The following ARFGEF1 variants were observed in gnomAD, a reference collection of about 807,000 sequenced individuals.
ARFGEF1 encodes the protein brefeldin A-inhibited guanine nucleotide-exchange protein 1.
Under a neutral mutation model 231.0 loss-of-function variants are expected in ARFGEF1, and 42 were observed. That is an observed-to-expected ratio of 0.18 (90% CI 0.14 to 0.24). The LOEUF is 0.24. Among genes scored for constraint, ARFGEF1 ranks in the 10% least tolerant of loss-of-function variants. The pLI is 1.00. For missense variants in ARFGEF1, 1,345 were observed against 2,192.0 expected, an observed-to-expected ratio of 0.61 and a Z score of 7.72; for synonymous variants, 710 against 732.3, an observed-to-expected ratio of 0.97 and a Z score of 0.49.
chr8:67,290,163 C>A (rs1805946369), intron 6 of ARFGEF1, among the ~76,000 whole-genome samples: 1 of 152,160 alleles, frequency 6.6e-6, no homozygotes, highest in South Asian at 2.1e-4. Flanking sequence ...ATCTTTAGAG[C>A]CAAAATAATC....
chr8:67,175,467 TATC>T, downstream of ARFGEF1: 1 of 1,612,674 alleles, frequency 6.2e-7, no homozygotes, highest in Non-Finnish European at 8.5e-7. Flanking sequence ...TGTCAAATAG[TATC>T]AGCACGCTGT....
At chr8:67,287,865 T>C (rs1478693083) in intron 7 of ARFGEF1, 90 bp downstream of exon 7, 2 of 875,758 alleles carry the variant, frequency 2.3e-6, no homozygotes, top group Non-Finnish European at 3.2e-6. Context: ...CGTTTTAATT[T>C]TGCCCTTTCT....
At position 67,200,335 on chromosome 8, in the gene ARFGEF1, C is replaced by T. The variant is rs1210987013; in HGVS notation, c.5385+61G>A. ...AGCTCTTGCACGGCGGCTCTGGGACCCCGCATCCCAATGCGAATTGGGCTA... is the reference window on the plus strand; with the variant it reads ...AGCTCTTGCACGGCGGCTCTGGGACTCCGCATCCCAATGCGAATTGGGCTA... On this transcript the variant is annotated intron_variant, in intron 38 of 38. Transcript: ENST00000262215. 3.3e-6 allele frequency: 4 copies of T among 1,217,896 alleles called. No homozygotes were observed. The African/African-American group carries it at 6.0e-5, about 18-fold the overall frequency. 75.4% of individuals were successfully genotyped at this position (1,217,896 alleles called of 1,614,324 possible).
At chr8:67,191,039 C>G (rs1441875526) in intron 5 of ARFGEF1, among the ~76,000 whole-genome samples, 1 of 152,174 alleles carries the variant, frequency 6.6e-6, no homozygotes, top group Non-Finnish European at 1.5e-5. Context: ...ATATGGATTT[C>G]AGAGAGGCAC....
intron 36 of ARFGEF1, 32 bp downstream of exon 36, chr8:67,203,051 T>A (rs1170708239): frequency 6.3e-7 from 1 of 1,593,498 alleles, no homozygotes; most frequent in Non-Finnish European, 8.5e-7. Flanking sequence ...CCATCAACAG[T>A]AAACATTAAA....
At chr8:67,264,932 T>A (rs945723177) in intron 14 of ARFGEF1, among the ~76,000 whole-genome samples, 1 of 152,228 alleles carries the variant, frequency 6.6e-6, no homozygotes, top group Non-Finnish European at 1.5e-5. Context: ...AATGCCTTCA[T>A]GGTGCTTGGC....
chr8:67,190,908 C>A, intron 5 of ARFGEF1: 1 of 611,132 alleles, frequency 1.6e-6, no homozygotes, highest in Non-Finnish European at 2.9e-6. Flanking sequence ...GACTGGATGA[C>A]CTTGGGTAGC....
In ARFGEF1 at chr8:67,226,183, G is replaced by T; in HGVS notation, c.3917C>A (p.Thr1306Asn). The change falls in exon 28 of 39, where the codon ACC becomes AAC. Residue 1306 changes from threonine to asparagine, a missense_variant and splice_region_variant. Coordinates refer to ENST00000262215, the MANE Select transcript of ARFGEF1 (RefSeq NM_006421.5). ...TGGAAAGTGTTTTTCAAATACAAGG[G>T]CTAAAATAGAGAAAAATATATATTA... ...LAFQTTGHIV[T>N]LVFEKHFPAT... 1 of 1,581,454 alleles carries T rather than the reference G, an allele frequency of 6.3e-7. No individual in the cohort carries two copies.
intron 6 of ARFGEF1, among the ~76,000 whole-genome samples, chr8:67,291,355 T>C (rs943065138): frequency 4.6e-5 from 7 of 151,776 alleles, no homozygotes; most frequent in Admixed American, 3.3e-4. Flanking sequence ...ATCATGATTT[T>C]AAAAAATGAA....
chr8:67,189,039 A>C (rs1296024419), intron 5 of ARFGEF1, among the ~76,000 whole-genome samples: 1 of 152,202 alleles, frequency 6.6e-6, no homozygotes, highest in Admixed American at 6.5e-5. Flanking sequence ...CCCGCCTGGT[A>C]ACACATTAAA....
At chr8:67,187,954 A>T (rs117244568) in intron 5 of ARFGEF1, among the ~76,000 whole-genome samples, 4,182 of 152,320 alleles carry the variant, frequency 0.027, 160 homozygotes, top group Admixed American at 0.1. Flanking sequence ...GAAAATCTAG[A>T]TGACCTTGGG....
In ARFGEF1 at chr8:67,267,044, T is replaced by C. The variant is rs757701573; in HGVS notation, c.1812+47A>G. The C allele has an allele frequency of 6.2e-6, 10 of 1,609,660 alleles. No individual in the cohort carries two copies. In the Admixed American group the frequency reaches 8.4e-5, roughly 14 times the overall value. On this transcript the variant is annotated intron_variant, in intron 12 of 38. Transcript: ENST00000262215. ...AGGTCTTTTAAGGAAAACACATGAC[T>C]CTTTCCTGGTAAAGTTTAAATTTGA... is the stretch of plus-strand genomic sequence containing the variant.
intron 6 of ARFGEF1, among the ~76,000 whole-genome samples, chr8:67,290,413 C>T (rs1302113744): frequency 6.6e-6 from 1 of 152,218 alleles, no homozygotes; most frequent in Non-Finnish European, 1.5e-5. Flanking sequence ...CAAGATTCAA[C>T]TAAAATATCA....
intron 1 of ARFGEF1, among the ~76,000 whole-genome samples, chr8:67,311,095 C>T (rs569471493): frequency 1.7e-4 from 25 of 149,170 alleles, no homozygotes; most frequent in African/African-American, 5.4e-4. Context: ...CCAGCCGCCC[C>T]GTCCGGGAGG....
intron 1 of ARFGEF1, among the ~76,000 whole-genome samples, chr8:67,341,102 G>A (rs781752218): frequency 4.6e-5 from 7 of 152,052 alleles, no homozygotes; most frequent in Non-Finnish European, 8.8e-5. Context: ...ATACTACAAC[G>A]TAACAGAACT....
At chr8:67,200,365 TGTG>T (rs1399441351) in intron 38 of ARFGEF1, 28 bp downstream of exon 38, 1 of 1,458,248 alleles carries the variant, frequency 6.9e-7, no homozygotes, top group Admixed American at 1.7e-5. Flanking sequence ...GGGCTAGAAA[TGTG>T]GGGCTGGATT....
chr8:67,231,042 C>A (rs1292398221), intron 23 of ARFGEF1, among the ~76,000 whole-genome samples: 1 of 151,908 alleles, frequency 6.6e-6, no homozygotes, highest in South Asian at 2.1e-4. Context: ...ACAGGTTATG[C>A]AGAAAAATAG....
At chr8:67,339,076 C>A (rs1808478724) in intron 1 of ARFGEF1, among the ~76,000 whole-genome samples, 1 of 152,084 alleles carries the variant, frequency 6.6e-6, no homozygotes, top group African/African-American at 2.4e-5. Context: ...GTTTGAGTCT[C>A]AATATTGTAT....
At chr8:67,304,215 C>T (rs1388787409) in intron 1 of ARFGEF1, among the ~76,000 whole-genome samples, 1 of 152,206 alleles carries the variant, frequency 6.6e-6, no homozygotes, top group African/African-American at 2.4e-5. Flanking sequence ...TTTGACAAAT[C>T]ACCTTGCTAT....
Sources: allele counts gnomAD v4.1 joint callset (sites outside exome capture counted in the v4.1 genomes callset), GRCh38; gene constraint gnomAD v4.1.1; transcripts MANE v1.5; gene names NCBI Gene and HGNC (gene_info 2026-07-23, HGNC 2026-07-21).